Variants in EFCAB5 observed in about 807,000 individuals in gnomAD.
EFCAB5 encodes EF-hand calcium-binding domain-containing protein 5.
A neutral mutation model predicts 167.9 loss-of-function variants in EFCAB5; 131 were observed. The ratio of observed to expected loss-of-function variants is 0.78; its 90% CI spans 0.68 to 0.90. The LOEUF (loss-of-function observed/expected upper bound fraction) is 0.90. EFCAB5 is among the 40% of genes least tolerant of loss of function. The pLI, the probability that EFCAB5 is intolerant of heterozygous loss-of-function variation, is 0.00. For synonymous variants in EFCAB5, 574 were observed against 602.8 expected (o/e 0.95, Z 0.70); for missense variants, 1,663 against 1,745.2 (o/e 0.95, Z 0.84).
chr17:30,076,641 A>C (rs1464310735), intron 14 of EFCAB5, among the ~76,000 whole-genome samples: 1 of 152,234 alleles, frequency 6.6e-6, no homozygotes, highest in East Asian at 1.9e-4. Flanking sequence ...AGTCTTCTTG[A>C]GGGAGGAGGA....
At chr17:30,069,363 T>C in intron 14 of EFCAB5, 2 of 1,558,382 alleles carry the variant, frequency 1.3e-6, no homozygotes, top group Admixed American at 3.3e-5. Context: ...ATTGGTGAAA[T>C]GAACAGCTTG....
intron 8 of EFCAB5, among the ~76,000 whole-genome samples, chr17:30,041,177 C>CAAAA (rs1420145043): frequency 3.5e-5 from 5 of 142,820 alleles, no homozygotes; most frequent in African/African-American, 1.1e-4. Flanking sequence ...ACTGACAGAT[C>CAAAA]GAAAGAAAGG....
chr17:30,080,383 C>A (rs1390602922), intron 16 of EFCAB5, 142 bp downstream of exon 16: 1 of 839,882 alleles, frequency 1.2e-6, no homozygotes, highest in Non-Finnish European at 1.7e-6. Context: ...AAGCTGATGG[C>A]TTCCAGTCCT....
intron 13 of EFCAB5, chr17:30,059,256 T>TA (rs200347860): frequency 9.9e-4 from 188 of 189,854 alleles, no homozygotes; most frequent in African/African-American, 4.1e-3. Flanking sequence ...TTTTCTTTTC[T>TA]AAAAATTTTT....
intron 9 of EFCAB5, 75 bp downstream of exon 9, chr17:30,051,292 G>C: frequency 8.1e-7 from 1 of 1,232,034 alleles, no homozygotes; most frequent in Non-Finnish European, 1.2e-6. Flanking sequence ...ATGATACACT[G>C]ATATGTTAAC....
At chr17:29,989,861 G>C (rs1023259008) in intron 4 of EFCAB5, among the ~76,000 whole-genome samples, 21 of 152,106 alleles carry the variant, frequency 1.4e-4, no homozygotes, top group Admixed American at 3.9e-4. Flanking sequence ...CTTAACAATG[G>C]CTGCCATAAA....
Position 30,078,194 on chromosome 17 carries a change from T to A in EFCAB5, c.2738-21T>A, listed in dbSNP as rs369566728. Reference sequence around the variant, plus strand: ...GAGTGAACTTTTGGTTAGTTCTTGGTTTCGTGTTTGTGTCTTTTAGCTAAA... The same window carrying A: ...GAGTGAACTTTTGGTTAGTTCTTGGATTCGTGTTTGTGTCTTTTAGCTAAA... On this transcript the variant is annotated intron_variant, in intron 14 of 22. Transcript: ENST00000394835. 454 of 1,590,152 alleles carry A rather than the reference T, an allele frequency of 2.9e-4. 1 individual carries two copies. Among genetic ancestry groups the A allele is most frequent in the Non-Finnish European group, 2.8e-4 (322 of 1,166,210 alleles).
intron 7 of EFCAB5, 55 bp downstream of exon 7, chr17:30,000,031 T>A: frequency 7.5e-7 from 1 of 1,335,464 alleles, no homozygotes; most frequent in Non-Finnish European, 1.0e-6. Context: ...GTTTCAATTG[T>A]CTGTTGGTGG....
intron 7 of EFCAB5, among the ~76,000 whole-genome samples, chr17:30,026,906 T>A (rs1449706338): frequency 6.9e-6 from 1 of 145,634 alleles, no homozygotes; most frequent in Non-Finnish European, 1.5e-5. Context: ...AATTTCATCT[T>A]CTGCTTTTAA....
intron 8 of EFCAB5, among the ~76,000 whole-genome samples, chr17:30,045,580 C>T (rs1351837489): frequency 6.6e-6 from 1 of 151,742 alleles, no homozygotes; most frequent in Non-Finnish European, 1.5e-5. Flanking sequence ...GAACTATACA[C>T]TTAAAATTGG....
intron 3 of EFCAB5, among the ~76,000 whole-genome samples, chr17:29,952,010 T>G (rs2067522891): frequency 1.3e-5 from 2 of 152,192 alleles, no homozygotes; most frequent in Admixed American, 6.5e-5. Flanking sequence ...ACTGGGTAAT[T>G]TATAAACAGT....
intron 19 of EFCAB5, 101 bp from the exon 20 acceptor site, chr17:30,090,320 G>A: frequency 7.0e-7 from 1 of 1,435,708 alleles, no homozygotes; most frequent in African/African-American, 1.4e-5. Flanking sequence ...TGGCATGGTG[G>A]AAGTGAGGTA....
intron 3 of EFCAB5, among the ~76,000 whole-genome samples, chr17:29,965,631 G>A (rs1051823285): frequency 1.3e-5 from 2 of 152,194 alleles, no homozygotes; most frequent in Admixed American, 6.5e-5. Flanking sequence ...TCATGGCACC[G>A]TTTGTTGAAG....
rs2070916405 is a variant in EFCAB5 at position 30,078,518 on chromosome 17, A to C, written c.3027+14A>C. The C allele has an allele frequency of 5.5e-5, 85 of 1,555,058 alleles. No homozygotes were observed. The highest frequency in any genetic ancestry group is 7.1e-5 in the Non-Finnish European group (82 of 1,150,170). ...GCCCTCATGCAGGTACGTTTCCTAA[A>C]GCAGTATGTAAGAGGAAACATTTCC... On this transcript the variant is annotated intron_variant, in intron 15 of 22. Coordinates refer to ENST00000394835, the MANE Select transcript of EFCAB5 (RefSeq NM_198529.4).
At chr17:30,038,088 C>G (rs2069673820) in intron 8 of EFCAB5, among the ~76,000 whole-genome samples, 2 of 152,144 alleles carry the variant, frequency 1.3e-5, no homozygotes, top group Admixed American at 6.5e-5. Context: ...GTTGTGAATG[C>G]AAGGAAAAGT....
At chr17:29,961,759 G>T (rs2067724340) in intron 3 of EFCAB5, among the ~76,000 whole-genome samples, 1 of 151,460 alleles carries the variant, frequency 6.6e-6, no homozygotes, top group Non-Finnish European at 1.5e-5. Context: ...TGGCTAATTT[G>T]TTTTTTTAAT....
intron 17 of EFCAB5, among the ~76,000 whole-genome samples, chr17:30,082,215 C>G (rs1231817172): frequency 6.6e-6 from 1 of 152,142 alleles, no homozygotes; most frequent in African/African-American, 2.4e-5. Context: ...CCGATCAAGG[C>G]AGCTCCTACC....
intron 19 of EFCAB5, among the ~76,000 whole-genome samples, chr17:30,088,911 C>G (rs996613013): frequency 2.6e-5 from 4 of 152,224 alleles, no homozygotes; most frequent in Non-Finnish European, 5.9e-5. Context: ...TTGTAATACC[C>G]AGACTCATAG....
chr17:30,057,021 T>C (rs1377014837), intron 12 of EFCAB5, among the ~76,000 whole-genome samples: 1 of 152,248 alleles, frequency 6.6e-6, no homozygotes, highest in Non-Finnish European at 1.5e-5. Flanking sequence ...GTCACTTTGC[T>C]GACATTTTAT....
Sources: gnomAD v4.1 joint callset for allele counts (sites outside exome capture counted in the v4.1 genomes callset) on GRCh38, gnomAD v4.1.1 for gene constraint, MANE v1.5 for transcripts, NCBI Gene and HGNC (gene_info 2026-07-23, HGNC 2026-07-21) for gene names.